WDR45B: variants seen among roughly 807,000 people sequenced by gnomAD.
The protein encoded by WDR45B is WD repeat domain 45B, also known as WD repeat domain phosphoinositide-interacting protein 3.
Under a neutral mutation model 44.6 loss-of-function variants are expected in WDR45B, and 20 were observed. That is an observed-to-expected ratio of 0.45 (90% CI 0.32 to 0.65). The LOEUF (loss-of-function observed/expected upper bound fraction) is 0.65, where lower values mean the gene tolerates loss of function less well. WDR45B is among the 30% of genes least tolerant of loss of function. WDR45B has a pLI of 0.05. For missense variants in WDR45B, 323 were observed against 430.2 expected (o/e 0.75, Z 2.20); for synonymous variants, 169 against 164.9 (o/e 1.02, Z -0.19).
intron 4 of WDR45B, among the ~76,000 whole-genome samples, chr17:82,626,367 C>CAAAA (rs2045697250): frequency 6.6e-6 from 1 of 151,036 alleles, no homozygotes; most frequent in Non-Finnish European, 1.5e-5. Flanking sequence ...GAAACCCTGT[C>CAAAA]TCTACTAAAG....
At position 82,616,019 on chromosome 17, in the gene WDR45B, C is replaced by T. The variant is rs376752776; in HGVS notation, c.935G>A (p.Cys312Tyr). The part of the protein sequence containing the change: ...GTEPNAVIAI[C>Y]ADGSYYKFLF... ...GAATTTGTAGTAGCTGCCGTCTGCA[C>T]AAATTGCTGGGATAGAAGGAGACCA... The change falls in exon 10 of 10, where the codon TGT (cysteine) becomes TAT (tyrosine). Residue 312 changes from cysteine to tyrosine, a missense_variant. Transcript: ENST00000392325. The T allele has an allele frequency of 6.2e-7, 1 of 1,613,770 alleles. No homozygotes were observed. Among genetic ancestry groups the T allele is most frequent in the Non-Finnish European group, 8.5e-7 (1 of 1,179,958 alleles).
intron 5 of WDR45B, among the ~76,000 whole-genome samples, chr17:82,622,372 T>A (rs1290794751): frequency 1.3e-5 from 2 of 152,148 alleles, no homozygotes; most frequent in African/African-American, 4.8e-5. Context: ...AAAGGGTTCT[T>A]GAAGAAAGAC....
chr17:82,647,528 T>C (rs1449272509), intron 1 of WDR45B, among the ~76,000 whole-genome samples: 2 of 152,160 alleles, frequency 1.3e-5, no homozygotes, highest in Admixed American at 6.5e-5. Flanking sequence ...TCACCTTCCC[T>C]GGGCGCTTTA....
In WDR45B at chr17:82,617,392, T is replaced by C. The variant is rs779566978; in HGVS notation, c.710A>G (p.Asn237Ser). The change falls in exon 8 of 10, where the codon AAC (asparagine) becomes AGC (serine). Residue 237 changes from asparagine (N) to serine (S), a missense_variant. Physicochemically the swap from Asn to Ser is conservative, Grantham distance 46. Coordinates refer to ENST00000392325, the MANE Select transcript of WDR45B (RefSeq NM_019613.4). ...GSQAANIYCI[N>S]FNQDASLICV... ...GATGAGGGACGCATCCTGATTGAAG[T>C]TGATGCTGCAGAGAAAACCAGCACA... is the stretch of plus-strand genomic sequence containing the variant. 4 of 1,614,010 alleles carry C rather than the reference T, an allele frequency of 2.5e-6. No individual in the cohort carries two copies. The African/African-American group carries it at 4.0e-5, about 16-fold the overall frequency.
intron 4 of WDR45B, among the ~76,000 whole-genome samples, chr17:82,626,558 A>AAAAAAAG (rs60177259): frequency 6.7e-6 from 1 of 149,500 alleles, no homozygotes; most frequent in African/African-American, 2.5e-5. Flanking sequence ...AAAAAAAAAA[A>AAAAAAAG]GGGCAGGGAG....
At chr17:82,639,158 C>G (rs2045877001) in intron 2 of WDR45B, among the ~76,000 whole-genome samples, 1 of 152,106 alleles carries the variant, frequency 6.6e-6, no homozygotes, top group South Asian at 2.1e-4. Flanking sequence ...TATTTTGTTC[C>G]TATAACACCA....
At chr17:82,643,603 T>G (rs2045942977) in intron 2 of WDR45B, among the ~76,000 whole-genome samples, 1 of 152,128 alleles carries the variant, frequency 6.6e-6, no homozygotes, top group African/African-American at 2.4e-5. Context: ...AAAGCACCAC[T>G]TACTGTTCTA....
chr17:82,628,921 C>G (rs1235631984), intron 3 of WDR45B, among the ~76,000 whole-genome samples: 1 of 151,640 alleles, frequency 6.6e-6, no homozygotes, highest in African/African-American at 2.4e-5. Flanking sequence ...ATCACCTGAG[C>G]CTGGGGAGGT....
At chr17:82,646,511 A>AAAAAAAAAAAAAAAAAG (rs2045979155) in intron 1 of WDR45B, among the ~76,000 whole-genome samples, 1 of 44,486 alleles carries the variant, frequency 2.2e-5, no homozygotes, top group Admixed American at 2.5e-4. Context: ...AAAAAAAAAA[A>AAAAAAAAAAAAAAAAAG]ACCCAAAACA....
At chr17:82,621,520 C>T (rs574551453) in intron 6 of WDR45B, 89 bp downstream of exon 6, 1 of 1,573,400 alleles carries the variant, frequency 6.4e-7, no homozygotes, top group Non-Finnish European at 8.7e-7. Context: ...AGGCCCACTG[C>T]CTTTTGAGTC....
chr17:82,637,900 G>A (rs933593059), intron 2 of WDR45B, among the ~76,000 whole-genome samples: 3 of 151,630 alleles, frequency 2.0e-5, no homozygotes, highest in Non-Finnish European at 2.9e-5. Context: ...GGGTGGGGGT[G>A]TGGTGGTTAA....
chr17:82,630,565 G>A (rs1406764084), intron 3 of WDR45B, among the ~76,000 whole-genome samples: 1 of 152,094 alleles, frequency 6.6e-6, no homozygotes, highest in Non-Finnish European at 1.5e-5. Flanking sequence ...ACGTGGCTAT[G>A]AAACTAATGT....
chr17:82,622,001 C>G lies in WDR45B; in HGVS notation c.428-202G>C, dbSNP rs534206496. Among the ~76,000 whole-genome samples the G allele has an allele frequency of 5.3e-5, 8 of 152,244 alleles. No homozygotes were observed. The East Asian group carries it at 1.4e-3, about 26-fold the overall frequency. ...AAAGCTACCTCGCATGAGACCTCCT[C>G]ATAATCAAGACATCTGCTGAACAAC... On this transcript the variant is annotated intron_variant, in intron 5 of 9. Transcript: ENST00000392325.
chr17:82,641,754 C>T (rs1447554998), intron 2 of WDR45B, among the ~76,000 whole-genome samples: 2 of 152,046 alleles, frequency 1.3e-5, no homozygotes, highest in Middle Eastern at 3.2e-3. Context: ...AAAAATTAGC[C>T]AGGCGTGGTG....
intron 4 of WDR45B, 126 bp from the exon 5 acceptor site, chr17:82,625,609 G>C: frequency 9.9e-7 from 1 of 1,010,500 alleles, no homozygotes; most frequent in South Asian, 1.4e-5. Flanking sequence ...GAGTGTTCCT[G>C]AAGAAAAAGC....
intron 2 of WDR45B, among the ~76,000 whole-genome samples, chr17:82,641,197 G>A (rs2045910598): frequency 1.3e-5 from 2 of 152,048 alleles, no homozygotes; most frequent in South Asian, 2.1e-4. Context: ...GAACTCCTGA[G>A]CTCAGGCAAT....
Position 82,632,967 on chromosome 17 carries a change from G to A in WDR45B, c.143-1945C>T, listed in dbSNP as rs910713347. The stretch of plus-strand genomic sequence containing the variant: ...GTGGATTACTTGAGGTCAGGAGTTC[G>A]ACCTGGCCAACATAGTGAAACTCCG... On this transcript the variant is annotated intron_variant, in intron 2 of 9. Coordinates refer to ENST00000392325, the MANE Select transcript of WDR45B (RefSeq NM_019613.4). Among the ~76,000 whole-genome samples, 4 of 151,980 alleles carry A rather than the reference G, an allele frequency of 2.6e-5. No homozygotes were observed. The East Asian group carries it at 7.7e-4, about 29-fold the overall frequency.
rs1406980775 is a variant in WDR45B at position 82,644,023 on chromosome 17, C to T, written c.68G>A (p.Gly23Glu). 1 of 1,613,944 alleles carries T rather than the reference C, an allele frequency of 6.2e-7. No individual in the cohort carries two copies. The highest frequency in any genetic ancestry group is 2.2e-5 in the East Asian group (1 of 44,900). ...ATTTTCCATCCCACACGCAAAGCAT[C>T]CTAAAGCAGAAGTGTAAAAGAGACA... ...LLYAGFNQDH[G>E]CFACGMENGF... The change falls in exon 2 of 10, where the codon GGA (glycine) becomes GAA (glutamate). Residue 23 changes from glycine to glutamate, a missense_variant and splice_region_variant. Coordinates refer to ENST00000392325, the MANE Select transcript of WDR45B (RefSeq NM_019613.4).
intron 5 of WDR45B, 80 bp from the exon 6 acceptor site, chr17:82,621,879 C>T (rs4352079): frequency 5.4e-6 from 8 of 1,475,950 alleles, no homozygotes; most frequent in Non-Finnish European, 7.4e-6. Context: ...CCCCAAAGTT[C>T]TCCGAAAAAA....
Sources: allele counts gnomAD v4.1 joint callset (sites outside exome capture counted in the v4.1 genomes callset), GRCh38; gene constraint gnomAD v4.1.1; transcripts MANE v1.5; gene names NCBI Gene and HGNC (gene_info 2026-07-23, HGNC 2026-07-21).